The following RCAN1 variants were observed in gnomAD, a reference collection of about 807,000 sequenced individuals.
The protein encoded by RCAN1 is calcipressin-1.
Under a neutral mutation model 22.9 loss-of-function variants are expected in RCAN1, and 11 were observed. That is an observed-to-expected ratio of 0.48 (90% CI 0.30 to 0.79). The LOEUF (loss-of-function observed/expected upper bound fraction) is 0.79, where lower values mean the gene tolerates loss of function less well. Ranked by LOEUF, RCAN1 falls within the 30% of genes least tolerant of loss-of-function variation. The pLI, the probability that RCAN1 is intolerant of heterozygous loss-of-function variation, is 0.06. For synonymous variants in RCAN1, 136 were observed against 142.3 expected (o/e 0.96, Z 0.32); for missense variants, 291 against 337.8 (o/e 0.86, Z 1.09).
chr21:34,611,749 A>G (rs2123739907), intron 1 of RCAN1, among the ~76,000 whole-genome samples: 1 of 152,352 alleles, frequency 6.6e-6, no homozygotes, highest in South Asian at 2.1e-4. Context: ...GTGACACCCC[A>G]GTCTTAACAG....
At chr21:34,599,919 C>G (rs1338759870) in intron 1 of RCAN1, among the ~76,000 whole-genome samples, 1 of 152,080 alleles carries the variant, frequency 6.6e-6, no homozygotes, top group East Asian at 1.9e-4. Flanking sequence ...TAGGTGTAGA[C>G]CTATTGCAAC....
At chr21:34,521,327 G>A (rs1236534650) in intron 3 of RCAN1, 172 bp downstream of exon 3, 2 of 1,489,680 alleles carry the variant, frequency 1.3e-6, no homozygotes, top group Non-Finnish European at 1.8e-6. Context: ...GTGCCAAGAG[G>A]CAGGCATGCT....
chr21:34,586,180 C>A (rs1297000312), intron 1 of RCAN1, among the ~76,000 whole-genome samples: 4 of 152,260 alleles, frequency 2.6e-5, no homozygotes, highest in African/African-American at 7.2e-5. Context: ...ATACGAATAA[C>A]AAACTTAACC....
intron 1 of RCAN1, among the ~76,000 whole-genome samples, chr21:34,562,507 C>T (rs1171626797): frequency 6.6e-6 from 1 of 152,284 alleles, no homozygotes; most frequent in East Asian, 1.9e-4. Context: ...GTGGTGCCAC[C>T]TCAGTCCCTC....
intron 1 of RCAN1, among the ~76,000 whole-genome samples, chr21:34,539,391 G>GA (rs1429081351): frequency 1.3e-5 from 2 of 152,160 alleles, no homozygotes; most frequent in East Asian, 3.8e-4. Flanking sequence ...GCTGTTAGGA[G>GA]AAAAAACCAG....
intron 1 of RCAN1, among the ~76,000 whole-genome samples, chr21:34,537,838 G>C (rs899718932): frequency 9.2e-5 from 14 of 152,178 alleles, no homozygotes; most frequent in African/African-American, 3.1e-4. Context: ...GTGTGTGTGT[G>C]TGTGTGTGTA....
intron 1 of RCAN1, among the ~76,000 whole-genome samples, chr21:34,600,672 C>T (rs1213034153): frequency 1.3e-5 from 2 of 152,140 alleles, no homozygotes. Context: ...CTTTATAGTT[C>T]ATGAGGCTTT....
At chr21:34,582,411 G>C (rs983070293) in intron 1 of RCAN1, among the ~76,000 whole-genome samples, 1 of 152,102 alleles carries the variant, frequency 6.6e-6, no homozygotes, top group Admixed American at 6.6e-5. Flanking sequence ...CTAGGGGCTC[G>C]GGAAGACATT....
intron 1 of RCAN1, among the ~76,000 whole-genome samples, chr21:34,571,982 CTG>C (rs1407135889): frequency 6.6e-6 from 1 of 152,132 alleles, no homozygotes; most frequent in African/African-American, 2.4e-5. Flanking sequence ...TACCAAGAAA[CTG>C]TGGAAAATGA....
intron 2 of RCAN1, 196 bp from the exon 3 acceptor site, chr21:34,521,854 T>C (rs1419611094): frequency 5.3e-6 from 3 of 567,098 alleles, no homozygotes; most frequent in Non-Finnish European, 9.4e-6. Flanking sequence ...GTGGCACAGA[T>C]AGGATGACAG....
At position 34,559,963 on chromosome 21, in the gene RCAN1, T is replaced by G. The variant is rs529836685; in HGVS notation, c.253-36253A>C. The G allele has an allele frequency of 9.2e-5, 14 of 152,290 alleles. No individual in the cohort carries two copies. In the South Asian group the frequency reaches 2.9e-3, roughly 32 times the overall value. The allele number at this position is 152,290 out of a possible 1,614,324, so 9.4% of individuals were successfully genotyped here. A position where few individuals can be genotyped will look rare whatever the true frequency, so the allele number is the denominator to read the frequency against. On this transcript the variant is annotated intron_variant, in intron 1 of 3. Coordinates refer to ENST00000313806, the MANE Select transcript of RCAN1 (RefSeq NM_004414.7). ...CAGGTACACTGACATGCCTTCAAGT[T>G]TCCACGGTGAGCCAGTGAACATTAC...
chr21:34,612,303 A>G (rs1009250646), intron 1 of RCAN1, among the ~76,000 whole-genome samples: 3 of 152,170 alleles, frequency 2.0e-5, no homozygotes, highest in Non-Finnish European at 4.4e-5. Context: ...TCAGCTACCA[A>G]TCGCCTCTCT....
Position 34,517,885 on chromosome 21 carries a change from C to T in RCAN1, c.*199G>A, listed in dbSNP as rs761949192. On this transcript the variant is annotated 3_prime_UTR_variant, in exon 4 of 4. Transcript: ENST00000313806. ...CTCAGTGATTGGCCCAAGTCATTCC[C>T]GGGTGCCATGAACAGTAACTGGTGT... is the stretch of plus-strand genomic sequence containing the variant. 1.9e-5 allele frequency: 12 copies of T among 619,366 alleles called. No homozygotes were observed. The highest frequency in any genetic ancestry group is 1.4e-4 in the East Asian group (5 of 35,842). The allele number at this position is 619,366 out of a possible 1,614,324, so 38.4% of individuals were successfully genotyped here. A position where few individuals can be genotyped will look rare whatever the true frequency, so the allele number is the denominator to read the frequency against.
In RCAN1 at chr21:34,614,911, G is replaced by A. The variant is rs374228016; in HGVS notation, c.101C>T (p.Ala34Val). 7.1e-7 allele frequency: 1 copy of A among 1,418,428 alleles called. No homozygotes were observed. Among genetic ancestry groups the A allele is most frequent in the South Asian group, 1.3e-5 (1 of 77,758 alleles). The allele number at this position is 1,418,428 out of a possible 1,614,324, so 87.9% of individuals were successfully genotyped here. The change falls in exon 1 of 4, where the codon GCG becomes GTG. Residue 34 changes from alanine to valine, a missense_variant. Transcript: ENST00000313806. This position sits in a 1 kb window ranked among gnomAD's most constrained non-coding sequence, Gnocchi z 6.0. ...ARPGVTLRPF[A>V]PLSGAAEADE... is the part of the protein sequence containing the mutation. The stretch of plus-strand genomic sequence containing the variant: ...CGCCTCGGCCGCCCCCGAGAGGGGC[G>A]CGAAGGGCCGCAGCGTCACCCCGGG...
chr21:34,582,961 C>CAG (rs149696064), intron 1 of RCAN1, among the ~76,000 whole-genome samples: 6,402 of 150,494 alleles, frequency 0.043, 426 homozygotes, highest in African/African-American at 0.14. Flanking sequence ...TAAAGAGTGT[C>CAG]AGAGAGAGAG....
chr21:34,598,811 C>T (rs1230087325), intron 1 of RCAN1, among the ~76,000 whole-genome samples: 8 of 151,954 alleles, frequency 5.3e-5, no homozygotes, highest in Admixed American at 1.3e-4. Context: ...TAAGTACAGA[C>T]GATAAACTCA....
At chr21:34,562,929 G>C in intron 1 of RCAN1, among the ~76,000 whole-genome samples, 1 of 152,124 alleles carries the variant, frequency 6.6e-6, no homozygotes, top group East Asian at 1.9e-4. Flanking sequence ...CCACCAGCAC[G>C]CCATCAGCTT....
intron 1 of RCAN1, among the ~76,000 whole-genome samples, chr21:34,603,870 A>G (rs964501637): frequency 2.6e-5 from 4 of 152,244 alleles, no homozygotes; most frequent in African/African-American, 4.8e-5. Flanking sequence ...AAGTGAATAG[A>G]GGACCTATAA....
At chr21:34,587,635 T>C (rs1363582576) in intron 1 of RCAN1, among the ~76,000 whole-genome samples, 1 of 152,156 alleles carries the variant, frequency 6.6e-6, no homozygotes, top group African/African-American at 2.4e-5. Flanking sequence ...ATGTAGGAGA[T>C]TGTTACTGCA....
Sources: allele counts gnomAD v4.1 joint callset (sites outside exome capture counted in the v4.1 genomes callset), GRCh38; gene constraint gnomAD v4.1.1; non-coding constraint Gnocchi (gnomAD v3.1); transcripts MANE v1.5; gene names NCBI Gene and HGNC (gene_info 2026-07-23, HGNC 2026-07-21).